The following DMD variants were observed in gnomAD, a reference collection of about 807,000 sequenced individuals.
DMD encodes mutant dystrophin.
Under a neutral mutation model 330.1 loss-of-function variants are expected in DMD, and 63 were observed. That is an observed-to-expected ratio of 0.19 (90% confidence interval 0.16 to 0.24). The LOEUF (loss-of-function observed/expected upper bound fraction) is 0.24. Ranked by LOEUF, DMD falls within the 10% of genes least tolerant of loss-of-function variation. The probability of loss-of-function intolerance (pLI) is 1.00; values close to 1 mark genes in which losing one functional copy is unlikely to be tolerated. For missense variants in DMD, 3,344 were observed against 2,684.1 expected, an observed-to-expected ratio of 1.25 and a Z score of -5.43; for synonymous variants, 1,223 against 959.8, an observed-to-expected ratio of 1.27 and a Z score of -5.07.
chrX:31,700,495 C>A (rs182529259), intron 52 of DMD, among the ~76,000 whole-genome samples: 5 of 111,764 alleles, frequency 4.5e-5, no homozygotes, highest in East Asian at 5.6e-4. Context: ...AATGAGTTAA[C>A]CTTCTAAAGA....
chrX:31,466,155 TTGCTG>T (rs1470623794), intron 59 of DMD, among the ~76,000 whole-genome samples: 1 of 112,459 alleles, frequency 8.9e-6, no homozygotes, highest in Non-Finnish European at 1.9e-5. Flanking sequence ...ATAGTTTCTT[TTGCTG>T]TGCAGAAGCT....
rs1251778900 is a variant in DMD, at chrX:32,441,185, G to T, written c.3916C>A (p.Leu1306Ile). 8.3e-7 allele frequency: 1 copy of T among 1,208,254 alleles called. No homozygotes were observed. The highest frequency in any genetic ancestry group is 1.1e-6 in the Non-Finnish European group (1 of 893,171). ...PGGAEEISEV[L>I]DSLENLMRHS... ...TGGCTTAATTTACAACTTACATCTA[G>T]CACCTCAGAGATTTCCTCAGCTCCG... The change falls in exon 28 of 79, where the codon CTA (leucine) becomes ATA (isoleucine). Residue 1306 changes from leucine (L) to isoleucine (I), a missense_variant. Leu to Ile is a conservative substitution (Grantham distance 5). Coordinates refer to ENST00000357033, the MANE Select transcript of DMD (RefSeq NM_004006.3).
chrX:32,863,130 A>G (rs778066138), intron 2 of DMD, among the ~76,000 whole-genome samples: 14 of 111,254 alleles, frequency 1.3e-4, no homozygotes, highest in Admixed American at 5.8e-4. Flanking sequence ...ATCTATCCCA[A>G]TGGTTGCTTT....
intron 1 of DMD, among the ~76,000 whole-genome samples, chrX:33,090,796 A>G (rs2095075388): frequency 9.0e-6 from 1 of 111,072 alleles, no homozygotes; most frequent in Admixed American, 9.7e-5. Context: ...TCTTGAGAAA[A>G]GGCTATCTAT....
At chrX:32,137,550 A>G (rs974102833) in intron 44 of DMD, among the ~76,000 whole-genome samples, 25 of 111,780 alleles carry the variant, frequency 2.2e-4, no homozygotes, top group Admixed American at 7.6e-4. Flanking sequence ...TTCATTGAGT[A>G]AAAGATATTC....
At chrX:31,503,251 G>T (rs1449931007) in intron 56 of DMD, among the ~76,000 whole-genome samples, 1 of 111,964 alleles carries the variant, frequency 8.9e-6, no homozygotes, top group Non-Finnish European at 1.9e-5. Flanking sequence ...CAATTTTCCA[G>T]GTTCATAAAG....
At chrX:32,456,412 A>G (rs2098358421) in intron 25 of DMD, among the ~76,000 whole-genome samples, 1 of 110,892 alleles carries the variant, frequency 9.0e-6, no homozygotes, top group Admixed American at 9.6e-5. Flanking sequence ...ACATGCTGCT[A>G]TTTTTGCTAT....
intron 7 of DMD, among the ~76,000 whole-genome samples, chrX:32,789,605 A>G (rs73462828): frequency 9.0e-6 from 1 of 111,577 alleles, no homozygotes; most frequent in Non-Finnish European, 1.9e-5. Flanking sequence ...GAAGAGATAA[A>G]CCCTGGATTT....
At chrX:32,976,439 G>A (rs1325033155) in intron 2 of DMD, among the ~76,000 whole-genome samples, 1 of 111,429 alleles carries the variant, frequency 9.0e-6, no homozygotes, top group African/African-American at 3.3e-5. Flanking sequence ...GGGACAGCCT[G>A]TTTATAAGTA....
chrX:32,665,107 A>T (rs1463896926), intron 9 of DMD, among the ~76,000 whole-genome samples: 1 of 112,495 alleles, frequency 8.9e-6, no homozygotes, highest in Non-Finnish European at 1.9e-5. Flanking sequence ...AGCATACTGT[A>T]AAAACTTAAT....
intron 62 of DMD, among the ~76,000 whole-genome samples, chrX:31,263,392 T>G (rs757652937): frequency 1.8e-4 from 20 of 112,619 alleles, no homozygotes; most frequent in Non-Finnish European, 1.7e-4. Context: ...TCATGACTGT[T>G]GGCATACATA....
intron 62 of DMD, among the ~76,000 whole-genome samples, chrX:31,278,621 G>A (rs2052373340): frequency 8.9e-6 from 1 of 112,142 alleles, no homozygotes; most frequent in Non-Finnish European, 1.9e-5. Flanking sequence ...TAAAAGTATT[G>A]TTAAGGGGAG....
At chrX:32,891,109 G>T (rs747314941) in intron 2 of DMD, among the ~76,000 whole-genome samples, 1 of 112,467 alleles carries the variant, frequency 8.9e-6, no homozygotes, top group Admixed American at 9.4e-5. Flanking sequence ...TACTCAAAAA[G>T]TTTAAATTAC....
intron 2 of DMD, among the ~76,000 whole-genome samples, chrX:32,915,999 T>A (rs974503745): frequency 3.6e-5 from 4 of 111,513 alleles, no homozygotes; most frequent in African/African-American, 1.3e-4. Context: ...TAAGGCATCA[T>A]ATCAACATAA....
intron 9 of DMD, among the ~76,000 whole-genome samples, chrX:32,664,591 G>A (rs2061184956): frequency 8.9e-6 from 1 of 111,941 alleles, no homozygotes; most frequent in Non-Finnish European, 1.9e-5. Context: ...GAAAGAACAA[G>A]ACTAAGTTTG....
intron 2 of DMD, among the ~76,000 whole-genome samples, chrX:32,974,076 G>A (rs941212065): frequency 9.0e-5 from 10 of 111,089 alleles, no homozygotes; most frequent in African/African-American, 2.0e-4. Flanking sequence ...AACAAAATTT[G>A]GTATATCCAT....
rs147273603 is a variant in DMD, at chrX:33,286,180, A to C, written c.7+53079T>G. ...AAGAACACTGTACAATGTTCCACCA[A>C]AGTATACCTTAATAACAACAATAGC... On this transcript the variant is annotated intron_variant, in intron 1 of 17. Coordinates refer to the DMD transcript ENST00000288447. Among the ~76,000 whole-genome samples the C allele has an allele frequency of 3.8e-3, 429 of 111,821 alleles. 1 individual carries two copies. Among genetic ancestry groups the C allele is most frequent in the Middle Eastern group, 0.014 (3 of 208 alleles).
At chrX:32,728,831 T>C (rs959313913) in intron 7 of DMD, among the ~76,000 whole-genome samples, 29 of 112,080 alleles carry the variant, frequency 2.6e-4, no homozygotes, top group African/African-American at 9.4e-4. Flanking sequence ...TTTCCACAGT[T>C]CTTAAACTGA....
chrX:32,814,616 C>T (rs1316599269), intron 6 of DMD, among the ~76,000 whole-genome samples: 1 of 111,481 alleles, frequency 9.0e-6, no homozygotes, highest in Non-Finnish European at 1.9e-5. Context: ...CCATGTAATA[C>T]ATAAAGAGAG....
Sources: allele counts gnomAD v4.1 joint callset (sites outside exome capture counted in the v4.1 genomes callset), GRCh38; gene constraint gnomAD v4.1.1; transcripts MANE v1.5; gene names NCBI Gene and HGNC (gene_info 2026-07-23, HGNC 2026-07-21).